Variants in PHLPP1 observed in about 807,000 individuals in gnomAD.
The protein encoded by PHLPP1 is PH domain and leucine rich repeat protein phosphatase 1, also known as PH domain leucine-rich repeat-containing protein phosphatase 1.
Under a neutral mutation model 117.2 loss-of-function variants are expected in PHLPP1, and 42 were observed. That is an observed-to-expected ratio of 0.36 (90% CI 0.28 to 0.46). The LOEUF is 0.46. PHLPP1 is among the 20% of genes least tolerant of loss of function. The pLI is 1.00. For missense variants in PHLPP1, 2,084 were observed against 2,241.9 expected (o/e 0.93, Z 1.42); for synonymous variants, 1,042 against 970.7 (o/e 1.07, Z -1.37).
At chr18:62,811,989 A>G (rs991327981) in intron 1 of PHLPP1, among the ~76,000 whole-genome samples, 1 of 152,184 alleles carries the variant, frequency 6.6e-6, no homozygotes, top group Non-Finnish European at 1.5e-5. Context: ...TTTGTTTATA[A>G]AAGACTAATT....
chr18:62,885,826 T>G (rs1284153235), intron 4 of PHLPP1, among the ~76,000 whole-genome samples: 1 of 152,174 alleles, frequency 6.6e-6, no homozygotes, highest in African/African-American at 2.4e-5. Flanking sequence ...ACCTCAAAAT[T>G]TAGTAACTGG....
intron 3 of PHLPP1, among the ~76,000 whole-genome samples, chr18:62,857,348 A>T (rs1276705859): frequency 2.0e-5 from 3 of 151,834 alleles, no homozygotes; most frequent in African/African-American, 4.8e-5. Flanking sequence ...AGTCAGATTG[A>T]TACATATGGA....
chr18:62,754,926 A>G (rs1248529361), intron 1 of PHLPP1, among the ~76,000 whole-genome samples: 6 of 152,078 alleles, frequency 3.9e-5, no homozygotes, highest in Admixed American at 3.9e-4. Flanking sequence ...AGCCCAGGAG[A>G]TCAAGGCCTG....
chr18:62,940,480 T>C lies in PHLPP1; in HGVS notation c.2961-1238T>C, dbSNP rs916906855. The stretch of plus-strand genomic sequence containing the variant: ...CCTGGGTTCACGCCATTCTCCTGCC[T>C]CAGCCTCCCGAGTAGCTGGGACTGC... On this transcript the variant is annotated intron_variant, in intron 10 of 16. Transcript: ENST00000262719. Among the ~76,000 whole-genome samples the C allele has an allele frequency of 3.6e-4, 52 of 143,832 alleles. 1 individual carries two copies. Among genetic ancestry groups the C allele is most frequent in the Non-Finnish European group, 2.1e-4 (14 of 66,530 alleles). 94.4% of individuals were successfully genotyped at this position (143,832 alleles called of 152,430 possible). A position where few individuals can be genotyped will look rare whatever the true frequency, so the allele number is the denominator to read the frequency against.
At chr18:62,918,429 A>AATATATATATATATAT (rs34065978) in intron 9 of PHLPP1, among the ~76,000 whole-genome samples, 3,779 of 140,246 alleles carry the variant, frequency 0.027, 91 homozygotes, top group African/African-American at 0.065. Context: ...GTAAAGGATA[A>AATATATATATATATAT]ATATATATAT....
intron 11 of PHLPP1, 39 bp from the exon 12 acceptor site, chr18:62,945,067 ATAT>A: frequency 2.9e-6 from 4 of 1,391,914 alleles, no homozygotes; most frequent in Non-Finnish European, 3.9e-6. Flanking sequence ...TTCTCGTCCT[ATAT>A]TATTTTCTTT....
At position 62,915,001 on chromosome 18, in the gene PHLPP1, C is replaced by T. The variant is rs1272997868; in HGVS notation, c.2797C>T (p.Pro933Ser). 5 of 1,610,078 alleles carry T rather than the reference C, an allele frequency of 3.1e-6. No individual in the cohort carries two copies. Among genetic ancestry groups the T allele is most frequent in the Non-Finnish European group, 1.7e-6 (2 of 1,176,870 alleles). Residue 933 changes from proline to serine, a missense_variant, in exon 9 of 17, where the codon CCT (proline) becomes TCT (serine). Coordinates refer to ENST00000262719, the MANE Select transcript of PHLPP1 (RefSeq NM_194449.4). ...TGGCCATAATCAAATATGTGAACTT[C>T]CTGCCCGGTGAGTATTACAGATCAA... is the stretch of plus-strand genomic sequence containing the variant. ...DIGHNQICEL[P>S]ARLFCNSSLR...
At chr18:62,974,158 C>T (rs1911126947) in intron 15 of PHLPP1, among the ~76,000 whole-genome samples, 1 of 152,150 alleles carries the variant, frequency 6.6e-6, no homozygotes, top group Admixed American at 6.5e-5. Flanking sequence ...ACTTGCTATA[C>T]TTTTTACAAA....
chr18:62,726,637 G>T (rs1383001871), intron 1 of PHLPP1, among the ~76,000 whole-genome samples: 1 of 138,478 alleles, frequency 7.2e-6, no homozygotes, highest in African/African-American at 2.7e-5. Context: ...AGGCTGGAGT[G>T]CAGTGGTGTG....
intron 13 of PHLPP1, among the ~76,000 whole-genome samples, chr18:62,962,357 G>A (rs749734569): frequency 6.6e-6 from 1 of 152,076 alleles, no homozygotes; most frequent in Non-Finnish European, 1.5e-5. Flanking sequence ...GCCCAGGCTG[G>A]AGTGCAGTGG....
At chr18:62,761,369 ACG>A (rs1912223952) in intron 1 of PHLPP1, among the ~76,000 whole-genome samples, 3 of 152,044 alleles carry the variant, frequency 2.0e-5, no homozygotes, top group Admixed American at 2.0e-4. Context: ...GCAGTGGCTC[ACG>A]CCTGTAATCC....
In PHLPP1 at chr18:62,820,390, T is replaced by G. The variant is rs141486126; in HGVS notation, c.1577-9645T>G. ...CACTCTGCAATAGCAAAATACACAT[T>G]CTTTTCAAGTACATATGGAACATTG... On this transcript the variant is annotated intron_variant, in intron 1 of 16. Coordinates refer to ENST00000262719, the MANE Select transcript of PHLPP1 (RefSeq NM_194449.4). Among the ~76,000 whole-genome samples the G allele has an allele frequency of 5.8e-3, 890 of 152,350 alleles. 7 individuals are homozygous for G. Among genetic ancestry groups the G allele is most frequent in the Middle Eastern group, 0.01 (3 of 294 alleles).
At chr18:62,936,159 G>T (rs201563831) in intron 10 of PHLPP1, among the ~76,000 whole-genome samples, 4 of 152,276 alleles carry the variant, frequency 2.6e-5, no homozygotes, top group South Asian at 4.1e-4. Context: ...AAAATGACGG[G>T]AGCATGTCAA....
chr18:62,943,161 C>T (rs1030855360), intron 11 of PHLPP1, among the ~76,000 whole-genome samples: 2 of 152,162 alleles, frequency 1.3e-5, no homozygotes, highest in African/African-American at 4.8e-5. Flanking sequence ...GGTGTAATCA[C>T]CCACCCTAAG....
rs1268161769 is a variant in PHLPP1, at chr18:62,872,029, A to G, written c.2066+11428A>G. Among the ~76,000 whole-genome samples, 4 of 152,204 alleles carry G rather than the reference A, an allele frequency of 2.6e-5. No individual in the cohort carries two copies. The East Asian group carries it at 7.7e-4, about 29-fold the overall frequency. Reference sequence around the variant, plus strand: ...TGAAGGACCTAGAGTTTGTAAATATAGAGGAGGCAAAACTTTACCCGTACC... The same window carrying G: ...TGAAGGACCTAGAGTTTGTAAATATGGAGGAGGCAAAACTTTACCCGTACC... On this transcript the variant is annotated intron_variant, in intron 4 of 16. Transcript: ENST00000262719.
At chr18:62,939,742 G>C (rs555640103) in intron 10 of PHLPP1, among the ~76,000 whole-genome samples, 1 of 151,862 alleles carries the variant, frequency 6.6e-6, no homozygotes, top group East Asian at 1.9e-4. Context: ...GTTGGTGCTT[G>C]TGTGTTGAAG....
At chr18:62,797,322 T>C (rs560639292) in intron 1 of PHLPP1, among the ~76,000 whole-genome samples, 1 of 152,348 alleles carries the variant, frequency 6.6e-6, no homozygotes, top group East Asian at 1.9e-4. Flanking sequence ...GAATGACTTC[T>C]CTGCCCCAGG....
At chr18:62,735,857 A>T (rs1353730153) in intron 1 of PHLPP1, among the ~76,000 whole-genome samples, 1 of 152,194 alleles carries the variant, frequency 6.6e-6, no homozygotes, top group Non-Finnish European at 1.5e-5. Context: ...GACAAATGCC[A>T]TAAGTGAAGT....
At position 62,916,366 on chromosome 18, in the gene PHLPP1, A is replaced by G. The variant is rs1280910672; in HGVS notation, c.2804+1358A>G. On this transcript the variant is annotated intron_variant, in intron 9 of 16. Transcript: ENST00000262719. ...TATTCTTTCTTTTAATGTGGCTACTAGATAATTTAAAATTACATGTGGCTT... is the reference window on the plus strand; with the variant it reads ...TATTCTTTCTTTTAATGTGGCTACTGGATAATTTAAAATTACATGTGGCTT... Among the ~76,000 whole-genome samples the G allele has an allele frequency of 5.3e-5, 8 of 151,418 alleles. No homozygotes were observed. In the Admixed American group the frequency reaches 5.3e-4, roughly 10 times the overall value.
Sources: allele counts gnomAD v4.1 joint callset (sites outside exome capture counted in the v4.1 genomes callset), GRCh38; gene constraint gnomAD v4.1.1; transcripts MANE v1.5; gene names NCBI Gene and HGNC (gene_info 2026-07-23, HGNC 2026-07-21).